The following CNNM4 variants were observed in gnomAD, a reference collection of about 807,000 sequenced individuals.
CNNM4 encodes metal transporter CNNM4.
CNNM4 carries 32 observed loss-of-function variants against 53.7 expected under a neutral mutation model. The ratio of observed to expected loss-of-function variants is 0.60; its 90% confidence interval spans 0.45 to 0.80. The LOEUF (loss-of-function observed/expected upper bound fraction) is 0.80. CNNM4 is among the 30% of genes least tolerant of loss of function. The pLI, the probability that CNNM4 is intolerant of heterozygous loss-of-function variation, is 0.00. For synonymous variants in CNNM4, 410 were observed against 440.0 expected (o/e 0.93, Z 0.85); for missense variants, 784 against 1,022.0 (o/e 0.77, Z 3.17).
At chr2:96,783,865 A>G (rs1321244627) in intron 1 of CNNM4, among the ~76,000 whole-genome samples, 1 of 152,218 alleles carries the variant, frequency 6.6e-6, no homozygotes, top group Non-Finnish European at 1.5e-5. Context: ...TTTTAGTGAC[A>G]TGGGAAAATA....
At chr2:96,765,933 G>A (rs1197567144) in intron 1 of CNNM4, among the ~76,000 whole-genome samples, 1 of 150,040 alleles carries the variant, frequency 6.7e-6, no homozygotes, top group Non-Finnish European at 1.5e-5. Flanking sequence ...ACAGGCGCCC[G>A]CCACCACGCC....
In CNNM4 at chr2:96,805,418, GTTT is replaced by G. The variant is rs898761608; in HGVS notation, c.1949-3124_1949-3122del. 1.6e-4 allele frequency among the ~76,000 whole-genome samples: 12 copies of G among 76,150 alleles called. No individual in the cohort carries two copies. In the East Asian group the frequency reaches 3.7e-3, roughly 24 times the overall value. The allele number at this position is 76,150 out of a possible 152,430, so 50.0% of individuals were successfully genotyped here. On this transcript the variant is annotated intron_variant, in intron 5 of 6. Transcript: ENST00000377075. ...GTTGTTATACCCTGGCTTCTTTTCA[GTTT>G]TTTTTTTTTTTTTTTTTTATTATTT...
chr2:96,806,022 G>A (rs1464577488), intron 5 of CNNM4, among the ~76,000 whole-genome samples: 1 of 150,520 alleles, frequency 6.6e-6, no homozygotes, highest in Non-Finnish European at 1.5e-5. Context: ...CAGTAGGGGC[G>A]GCCGGGCAGA....
chr2:96,808,826 G>A lies in CNNM4; in HGVS notation c.2130+84G>A. On this transcript the variant is annotated intron_variant, in intron 6 of 6. Transcript: ENST00000377075. This position sits in a 1 kb window ranked among gnomAD's most constrained non-coding sequence, Gnocchi z 4.9. Reference sequence around the variant, plus strand: ...ACTTTCATCCACCAAACCCAGCATGGTGGGCCCAAACCCGAGATGCCTTTT... The same window carrying A: ...ACTTTCATCCACCAAACCCAGCATGATGGGCCCAAACCCGAGATGCCTTTT... The A allele has an allele frequency of 7.0e-7, 1 of 1,423,496 alleles. No homozygotes were observed. Among genetic ancestry groups the A allele is most frequent in the Non-Finnish European group, 9.9e-7 (1 of 1,013,966 alleles). The allele number at this position is 1,423,496 out of a possible 1,614,324, so 88.2% of individuals were successfully genotyped here.
At chr2:96,773,352 A>C (rs2078895820) in intron 1 of CNNM4, among the ~76,000 whole-genome samples, 1 of 152,160 alleles carries the variant, frequency 6.6e-6, no homozygotes, top group Admixed American at 6.5e-5. Flanking sequence ...CTGCGTAATC[A>C]TGCTGTAAAT....
intron 5 of CNNM4, among the ~76,000 whole-genome samples, chr2:96,804,978 A>C (rs1004462834): frequency 1.3e-5 from 2 of 152,068 alleles, no homozygotes; most frequent in Non-Finnish European, 2.9e-5. Context: ...GTAACATAGC[A>C]AGACCCTTTA....
In CNNM4 at chr2:96,797,655, G is replaced by A. The variant is rs766428142; in HGVS notation, c.1681+8G>A. The A allele has an allele frequency of 6.2e-6, 10 of 1,613,790 alleles. No individual in the cohort carries two copies. In the Admixed American group the frequency reaches 1.3e-4, roughly 22 times the overall value. On this transcript the variant is annotated splice_region_variant and intron_variant, in intron 3 of 6. Transcript: ENST00000377075. The surrounding 1 kb of genome is among the most constrained non-coding windows in gnomAD (Gnocchi z 6.0). Reference sequence around the variant, plus strand: ...ATCGCTTCCTAGCCACAGGTAGCATGAGGAGGACCTTCCGGTCTTGGTGGA... The same window carrying A: ...ATCGCTTCCTAGCCACAGGTAGCATAAGGAGGACCTTCCGGTCTTGGTGGA...
chr2:96,772,980 C>T (rs535455618), intron 1 of CNNM4, among the ~76,000 whole-genome samples: 1 of 152,012 alleles, frequency 6.6e-6, no homozygotes, highest in East Asian at 1.9e-4. Flanking sequence ...CACACACACA[C>T]TCCTACCTCC....
Position 96,762,253 on chromosome 2 carries a change from T to G in CNNM4, c.1254T>G (p.Ile418Met). 1 of 1,614,152 alleles carries G rather than the reference T, an allele frequency of 6.2e-7. No individual in the cohort carries two copies. Among genetic ancestry groups the G allele is most frequent in the Non-Finnish European group, 8.5e-7 (1 of 1,180,026 alleles). The part of the protein sequence containing the change: ...IPVFEDEQSN[I>M]VDILYVKDLA... ...TGTTCGAAGACGAGCAGTCCAATAT[T>G]GTAGATATTCTCTACGTCAAAGACT... Residue 418 changes from isoleucine to methionine, a missense_variant, in exon 1 of 7, where the codon ATT becomes ATG. This residue lies in a region of CNNM4 where 473 missense variants were observed against 624.6 expected (regional missense o/e 0.76). Coordinates refer to ENST00000377075, the MANE Select transcript of CNNM4 (RefSeq NM_020184.4).
At chr2:96,788,941 C>T (rs1466074462) in intron 1 of CNNM4, 1 of 152,182 alleles carries the variant, frequency 6.6e-6, no homozygotes, top group Non-Finnish European at 1.5e-5. Context: ...TAACCCAGCA[C>T]CTATAATACG....
At chr2:96,776,155 A>G (rs2078922521) in intron 1 of CNNM4, among the ~76,000 whole-genome samples, 1 of 151,236 alleles carries the variant, frequency 6.6e-6, no homozygotes, top group Non-Finnish European at 1.5e-5. Context: ...CAGCCTCCCA[A>G]GTAGCTGGGA....
intron 1 of CNNM4, among the ~76,000 whole-genome samples, chr2:96,779,237 C>T (rs953268604): frequency 9.2e-5 from 14 of 152,250 alleles, no homozygotes; most frequent in South Asian, 2.1e-4. Context: ...GGATTACAGG[C>T]GTGAGCCACC....
chr2:96,794,373 C>CCCAAATA (rs1479609340), intron 1 of CNNM4, among the ~76,000 whole-genome samples: 1 of 152,090 alleles, frequency 6.6e-6, no homozygotes, highest in African/African-American at 2.4e-5. Flanking sequence ...CTCCAAATAC[C>CCCAAATA]CCCAAAGGTG....
intron 1 of CNNM4, among the ~76,000 whole-genome samples, chr2:96,771,747 T>A (rs1443977389): frequency 2.0e-5 from 3 of 151,512 alleles, no homozygotes; most frequent in Admixed American, 2.0e-4. Context: ...AAGAAAGAAA[T>A]CCTTGCTTTT....
intron 1 of CNNM4, among the ~76,000 whole-genome samples, chr2:96,789,462 T>C (rs553522902): frequency 3.3e-5 from 5 of 152,192 alleles, no homozygotes; most frequent in Admixed American, 6.5e-5. Flanking sequence ...CATGGTGTTC[T>C]TTGACTGTGG....
intron 5 of CNNM4, among the ~76,000 whole-genome samples, chr2:96,802,353 C>G (rs902552794): frequency 4.6e-5 from 7 of 152,256 alleles, no homozygotes; most frequent in African/African-American, 1.4e-4. Flanking sequence ...AGAGGAGACG[C>G]ACCCCAGCGG....
chr2:96,791,599 AAAAG>A (rs1173260545), intron 1 of CNNM4, among the ~76,000 whole-genome samples: 2 of 152,092 alleles, frequency 1.3e-5, no homozygotes, highest in Non-Finnish European at 2.9e-5. Context: ...AAAAAAAAAA[AAAAG>A]AAAGAAACAT....
At chr2:96,778,967 A>T (rs1049853041) in intron 1 of CNNM4, among the ~76,000 whole-genome samples, 7 of 150,178 alleles carry the variant, frequency 4.7e-5, no homozygotes, top group African/African-American at 1.7e-4. Context: ...TTATTTATTT[A>T]TTTTTTTGAG....
intron 1 of CNNM4, among the ~76,000 whole-genome samples, chr2:96,770,577 G>T (rs974070034): frequency 1.3e-5 from 2 of 152,198 alleles, no homozygotes; most frequent in Admixed American, 1.3e-4. Flanking sequence ...CAGCTTTGGG[G>T]GTGTGGCTCA....
Sources: allele counts gnomAD v4.1 joint callset (sites outside exome capture counted in the v4.1 genomes callset), GRCh38; gene constraint gnomAD v4.1.1; regional missense constraint gnomAD v4.1.1; non-coding constraint Gnocchi (gnomAD v3.1); transcripts MANE v1.5; gene names NCBI Gene and HGNC (gene_info 2026-07-23, HGNC 2026-07-21).